Variants in PCDHA3 observed in about 807,000 individuals in gnomAD.
PCDHA3 encodes protocadherin alpha 3.
Under a neutral mutation model 62.2 loss-of-function variants are expected in PCDHA3, and 41 were observed. The ratio of observed to expected loss-of-function variants is 0.66; its 90% CI spans 0.51 to 0.86. The LOEUF (loss-of-function observed/expected upper bound fraction) is 0.86. PCDHA3 is among the 40% of genes least tolerant of loss of function. PCDHA3 has a pLI of 0.00. For synonymous variants in PCDHA3, 640 were observed against 555.4 expected (o/e 1.15, Z -2.14); for missense variants, 1,304 against 1,241.2 (o/e 1.05, Z -0.76).
At chr5:140,985,847 C>T (rs1178290779) in intron 3 of PCDHA3, among the ~76,000 whole-genome samples, 4 of 150,300 alleles carry the variant, frequency 2.7e-5, no homozygotes, top group African/African-American at 7.3e-5. Context: ...TCATGCCACT[C>T]TCCTGCCTCA....
intron 1 of PCDHA3, among the ~76,000 whole-genome samples, chr5:140,930,820 A>T (rs2153606213): frequency 6.6e-6 from 1 of 152,346 alleles, no homozygotes; most frequent in East Asian, 1.9e-4. Flanking sequence ...TGCTTAGTAA[A>T]TGCTGACTGA....
At chr5:140,993,358 A>G (rs1197499617) in intron 3 of PCDHA3, among the ~76,000 whole-genome samples, 7 of 151,988 alleles carry the variant, frequency 4.6e-5, no homozygotes, top group Admixed American at 4.6e-4. Context: ...AGATCCTCAC[A>G]AAAACTACCT....
chr5:140,822,872 C>A (rs1370566710), intron 1 of PCDHA3: 2 of 1,614,236 alleles, frequency 1.2e-6, no homozygotes, highest in Non-Finnish European at 1.7e-6. Flanking sequence ...CCACTCAGCA[C>A]GGTCATTGCT....
chr5:140,841,817 T>C, intron 1 of PCDHA3: 1 of 1,613,922 alleles, frequency 6.2e-7, no homozygotes. Flanking sequence ...TGGAGCTAAC[T>C]CCGTGTTAAC....
intron 1 of PCDHA3, chr5:140,928,163 C>A: frequency 6.2e-7 from 1 of 1,614,204 alleles, no homozygotes; most frequent in Non-Finnish European, 8.5e-7. Flanking sequence ...GGCTCACCCC[C>A]ACTTAGCACC....
At position 140,801,409 on chromosome 5, in the gene PCDHA3, A is replaced by G. The variant is rs1762701855; in HGVS notation, c.212A>G (p.His71Arg). Residue 71 changes from histidine (H) to arginine (R), a missense_variant, in exon 1 of 4, where the codon CAC (histidine) becomes CGC (arginine). His to Arg is a conservative substitution (Grantham distance 29, BLOSUM62 0). Transcript: ENST00000522353. The part of the protein sequence containing the change: ...PRLFRVASKR[H>R]GDLLEVNLQN... ...CTGTTCCGGGTGGCGTCCAAAAGAC[A>G]CGGGGACCTTCTGGAGGTAAATCTG... The G allele has an allele frequency of 1.2e-6, 2 of 1,613,626 alleles. No homozygotes were observed. The highest frequency in any genetic ancestry group is 1.3e-5 in the African/African-American group (1 of 74,918).
At chr5:141,000,389 CTCTCTCTATA>C (rs1363755181) in intron 3 of PCDHA3, among the ~76,000 whole-genome samples, 150 of 62,510 alleles carry the variant, frequency 2.4e-3, no homozygotes, top group African/African-American at 5.3e-3. Context: ...CTCTCTCTCT[CTCTCTCTATA>C]TATATATATA....
chr5:140,917,435 T>A (rs1179418321), intron 1 of PCDHA3, among the ~76,000 whole-genome samples: 2 of 152,200 alleles, frequency 1.3e-5, no homozygotes, highest in South Asian at 2.1e-4. Flanking sequence ...CAATTTTTGT[T>A]TTTGCTGCAA....
chr5:140,884,833 C>T (rs1175023363), intron 1 of PCDHA3: 1 of 916,514 alleles, frequency 1.1e-6, no homozygotes, highest in Non-Finnish European at 1.5e-6. Flanking sequence ...GTTGGATTAT[C>T]CTTCAGAGTG....
chr5:140,991,086 T>C (rs2097431989), intron 3 of PCDHA3, among the ~76,000 whole-genome samples: 1 of 152,206 alleles, frequency 6.6e-6, no homozygotes, highest in African/African-American at 2.4e-5. Context: ...ATAAAAAAAT[T>C]AAAGCTCATA....
At chr5:141,005,824 G>T (rs1380044629) in intron 3 of PCDHA3, among the ~76,000 whole-genome samples, 2 of 151,660 alleles carry the variant, frequency 1.3e-5, no homozygotes, top group African/African-American at 4.8e-5. Flanking sequence ...ATGGTGGCCT[G>T]TAGTCCCAGC....
At chr5:140,832,847 C>T (rs1022397491) in intron 1 of PCDHA3, among the ~76,000 whole-genome samples, 2 of 151,966 alleles carry the variant, frequency 1.3e-5, no homozygotes, top group African/African-American at 4.8e-5. Flanking sequence ...TGAAGGAGAC[C>T]GTGAAGAGTC....
intron 1 of PCDHA3, among the ~76,000 whole-genome samples, chr5:140,896,143 T>C (rs932166066): frequency 2.6e-5 from 4 of 152,198 alleles, no homozygotes; most frequent in Non-Finnish European, 5.9e-5. Context: ...CAGTGCACCA[T>C]TGATGGGCAT....
chr5:140,877,625 A>T (rs1554169929), intron 1 of PCDHA3: 1 of 1,613,774 alleles, frequency 6.2e-7, no homozygotes, highest in Non-Finnish European at 8.5e-7. Context: ...CTGCTGCTGT[A>T]CACTGCGCTG....
At chr5:140,993,509 CGGGGAGAG>C (rs2097568152) in intron 3 of PCDHA3, among the ~76,000 whole-genome samples, 1 of 143,490 alleles carries the variant, frequency 7.0e-6, no homozygotes, top group Non-Finnish European at 1.5e-5. Flanking sequence ...CACACACACA[CGGGGAGAG>C]AGAGACAGAG....
chr5:140,814,252 A>G (rs1554126453), intron 1 of PCDHA3: 1 of 152,422 alleles, frequency 6.6e-6, no homozygotes, highest in African/African-American at 2.4e-5. Flanking sequence ...ATGAAGATAT[A>G]AACACCCATA....
rs2150417290 is a variant in PCDHA3 at position 140,848,687 on chromosome 5, C to G, written c.2394+45096C>G. 1.9e-3 allele frequency: 2,953 copies of G among 1,592,340 alleles called. 211 individuals are homozygous for G. The African/African-American group carries it at 0.035, about 19-fold the overall frequency. The stretch of plus-strand genomic sequence containing the variant: ...TGGCGGAGCTGGTGCCGCGCCTGTT[C>G]CAGTTGGATTCCAAAGGCCGCGGGG... On this transcript the variant is annotated intron_variant, in intron 1 of 3. Transcript: ENST00000522353.
chr5:140,956,009 C>G (rs1479377959), intron 1 of PCDHA3, among the ~76,000 whole-genome samples: 1 of 152,192 alleles, frequency 6.6e-6, no homozygotes, highest in Non-Finnish European at 1.5e-5. Context: ...TATCCTGAGA[C>G]TTTGCTGAAG....
At chr5:140,979,537 A>G (rs538323100) in intron 2 of PCDHA3, among the ~76,000 whole-genome samples, 1 of 152,332 alleles carries the variant, frequency 6.6e-6, no homozygotes, top group East Asian at 1.9e-4. Context: ...ATTGTCATCA[A>G]TGACATGGTT....
Sources: gnomAD v4.1 joint callset for allele counts (sites outside exome capture counted in the v4.1 genomes callset) on GRCh38, gnomAD v4.1.1 for gene constraint, MANE v1.5 for transcripts, NCBI Gene and HGNC (gene_info 2026-07-23, HGNC 2026-07-21) for gene names.